The following UGGT2 variants were observed in gnomAD, a reference collection of about 807,000 sequenced individuals.
UGGT2 encodes the protein UDP-glucose:glycoprotein glucosyltransferase 2.
UGGT2 carries 180 observed loss-of-function variants against 192.1 expected under a neutral mutation model. The ratio of observed to expected loss-of-function variants is 0.94; its 90% CI spans 0.83 to 1.06. The LOEUF is 1.06. Ranked by LOEUF, UGGT2 falls within the 50% of genes least tolerant of loss-of-function variation. UGGT2 has a pLI of 0.00. For missense variants in UGGT2, 1,849 were observed against 1,795.7 expected (o/e 1.03, Z -0.54); for synonymous variants, 580 against 591.0 (o/e 0.98, Z 0.27).
intron 5 of UGGT2, among the ~76,000 whole-genome samples, chr13:96,005,797 T>C (rs1027116889): frequency 1.4e-4 from 22 of 152,172 alleles, no homozygotes; most frequent in African/African-American, 4.8e-4. Context: ...TGAGTAAAGA[T>C]AACGCTGAAA....
chr13:95,911,122 A>G (rs532089097), intron 20 of UGGT2, among the ~76,000 whole-genome samples: 3 of 152,340 alleles, frequency 2.0e-5, no homozygotes, highest in East Asian at 1.9e-4. Context: ...CTAAATGCCT[A>G]TAAGAGAAAG....
At chr13:95,977,298 C>T (rs1405381258) in intron 10 of UGGT2, among the ~76,000 whole-genome samples, 1 of 152,068 alleles carries the variant, frequency 6.6e-6, no homozygotes, top group Non-Finnish European at 1.5e-5. Flanking sequence ...TTGCAATCTA[C>T]CCATCTGACA....
rs1049668389 is a variant in UGGT2 at position 95,931,812 on chromosome 13, G to A, written c.1978-4476C>T. On this transcript the variant is annotated intron_variant, in intron 17 of 38. Transcript: ENST00000376747. ...GCGCGGAGCCCTGGTTCCCGCCCGC[G>A]CCTCTCCCTCCACACCTCCCCGCAA... Among the ~76,000 whole-genome samples, 6 of 152,166 alleles carry A rather than the reference G, an allele frequency of 3.9e-5. No homozygotes were observed. In the East Asian group the frequency reaches 7.8e-4, roughly 20 times the overall value.
intron 21 of UGGT2, 88 bp downstream of exon 21, chr13:95,902,766 T>C (rs904669947): frequency 2.5e-5 from 32 of 1,274,668 alleles, no homozygotes; most frequent in East Asian, 1.2e-4. Flanking sequence ...AAATCTACCA[T>C]TGTTTTTCAG....
chr13:95,913,449 A>C (rs2048570843), intron 20 of UGGT2, among the ~76,000 whole-genome samples: 1 of 152,082 alleles, frequency 6.6e-6, no homozygotes, highest in African/African-American at 2.4e-5. Flanking sequence ...GACACTTCTC[A>C]AAAGAAGACA....
In UGGT2 at chr13:95,856,283, T is replaced by C. The variant is rs747505429; in HGVS notation, c.3883A>G (p.Arg1295Gly). The C allele has an allele frequency of 6.2e-7, 1 of 1,613,558 alleles. No individual in the cohort carries two copies. The highest frequency in any genetic ancestry group is 8.5e-7 in the Non-Finnish European group (1 of 1,179,800). ...YGFRYELVQY[R>G]WPRWLRQQTE... is the part of the protein sequence containing the mutation. ...TGTTGACGAAGCCAACGGGGCCACC[T>C]ATATTGAACTAGTTCATATCGGAAT... The change falls in exon 34 of 39, where the codon AGG becomes GGG. Residue 1295 changes from arginine (R) to glycine (G), a missense_variant. Physicochemically the swap from Arg to Gly is moderately radical, Grantham distance 125. Coordinates refer to ENST00000376747, the MANE Select transcript of UGGT2 (RefSeq NM_020121.4).
intron 37 of UGGT2, among the ~76,000 whole-genome samples, chr13:95,835,709 C>T (rs944631842): frequency 4.6e-5 from 7 of 151,972 alleles, no homozygotes; most frequent in African/African-American, 1.7e-4. Context: ...ACACTTAGCA[C>T]ATTAAAAACA....
chr13:95,869,943 C>G (rs1356417658), intron 29 of UGGT2, among the ~76,000 whole-genome samples: 1 of 152,072 alleles, frequency 6.6e-6, no homozygotes, highest in Non-Finnish European at 1.5e-5. Flanking sequence ...ACATGTGTCT[C>G]CTGAAATTCT....
chr13:95,849,667 C>T (rs1324422823), intron 36 of UGGT2, among the ~76,000 whole-genome samples: 1 of 151,384 alleles, frequency 6.6e-6, no homozygotes, highest in African/African-American at 2.4e-5. Context: ...TGGATTCAGT[C>T]TTTTGCTCCA....
intron 20 of UGGT2, among the ~76,000 whole-genome samples, chr13:95,913,913 AG>A (rs1209572128): frequency 3.9e-5 from 6 of 152,338 alleles, no homozygotes; most frequent in African/African-American, 1.4e-4. Flanking sequence ...GCCATAAAAA[AG>A]GATGAGTTCA....
chr13:95,911,486 A>C, intron 20 of UGGT2, among the ~76,000 whole-genome samples: 1 of 152,248 alleles, frequency 6.6e-6, no homozygotes, highest in South Asian at 2.1e-4. Context: ...AAAATCTAGA[A>C]GAAATGGATA....
chr13:95,912,346 T>C (rs1010034260), intron 20 of UGGT2, among the ~76,000 whole-genome samples: 5 of 152,228 alleles, frequency 3.3e-5, no homozygotes, highest in African/African-American at 1.2e-4. Flanking sequence ...CCCCATCGTC[T>C]GAACCCAAAA....
chr13:96,031,994 C>T (rs375580240), intron 1 of UGGT2, 23 bp from the exon 2 acceptor site: 49 of 1,543,486 alleles, frequency 3.2e-5, no homozygotes, highest in Non-Finnish European at 4.3e-5. Context: ...TAGAAGTAAT[C>T]GGTTAGTAGA....
At chr13:95,997,296 G>A (rs2051653946) in intron 6 of UGGT2, among the ~76,000 whole-genome samples, 1 of 152,106 alleles carries the variant, frequency 6.6e-6, no homozygotes, top group African/African-American at 2.4e-5. Context: ...GAAAAGAGAA[G>A]AGCATTCTCT....
chr13:95,927,331 T>C lies in UGGT2; in HGVS notation c.1983A>G (p.Thr661=), dbSNP rs773423460. 1.9e-6 allele frequency: 3 copies of C among 1,601,934 alleles called. No homozygotes were observed. Among genetic ancestry groups the C allele is most frequent in the Admixed American group, 1.8e-5 (1 of 56,640 alleles). Residue 661 remains threonine (T), a synonymous_variant, in exon 18 of 39, where the codon ACA becomes ACG. Coordinates refer to ENST00000376747, the MANE Select transcript of UGGT2 (RefSeq NM_020121.4). Reference sequence around the variant, plus strand: ...CAATTGCATTCGTGCGATCATTTAATGTGCCCTAAAAAAACAAAAATGTTA... The same window carrying C: ...CAATTGCATTCGTGCGATCATTTAACGTGCCCTAAAAAAACAAAAATGTTA... ...VYLQREVFLG[T]LNDRTNAIDF... is the part of the protein sequence containing the mutation.
chr13:96,008,636 AT>A (rs2052058270), intron 5 of UGGT2, among the ~76,000 whole-genome samples: 2 of 152,216 alleles, frequency 1.3e-5, no homozygotes, highest in Non-Finnish European at 2.9e-5. Context: ...TACAATTGCC[AT>A]AAAAATAAAA....
intron 38 of UGGT2, among the ~76,000 whole-genome samples, chr13:95,832,171 G>A (rs1886778620): frequency 6.6e-6 from 1 of 151,678 alleles, no homozygotes; most frequent in South Asian, 2.1e-4. Flanking sequence ...CTGAACCACT[G>A]GGAAGAATTA....
At chr13:95,896,875 T>C (rs1004617124) in intron 22 of UGGT2, among the ~76,000 whole-genome samples, 2 of 152,118 alleles carry the variant, frequency 1.3e-5, no homozygotes, top group African/African-American at 4.8e-5. Context: ...TTCAGTTACA[T>C]AGAATAATTG....
chr13:95,886,104 G>A (rs1315023371), intron 26 of UGGT2, among the ~76,000 whole-genome samples: 1 of 152,146 alleles, frequency 6.6e-6, no homozygotes, highest in Non-Finnish European at 1.5e-5. Context: ...AGGAAAGCAT[G>A]AGATCAAAAC....
Sources: allele counts gnomAD v4.1 joint callset (sites outside exome capture counted in the v4.1 genomes callset), GRCh38; gene constraint gnomAD v4.1.1; transcripts MANE v1.5; gene names NCBI Gene and HGNC (gene_info 2026-07-23, HGNC 2026-07-21).